RHOBTB1: variants seen among roughly 807,000 people sequenced by gnomAD.
RHOBTB1 encodes the protein Rho related BTB domain containing 1.
RHOBTB1 carries 40 observed loss-of-function variants against 71.6 expected under a neutral mutation model. That is an observed-to-expected ratio of 0.56 (90% CI 0.43 to 0.73). The LOEUF (loss-of-function observed/expected upper bound fraction) is 0.73. Among genes scored for constraint, RHOBTB1 ranks in the 30% least tolerant of loss-of-function variants. The pLI is 0.00. For synonymous variants in RHOBTB1, 319 were observed against 334.9 expected (o/e 0.95, Z 0.52); for missense variants, 797 against 894.0 (o/e 0.89, Z 1.38).
chr10:60,925,098 C>T (rs1051777829), intron 2 of RHOBTB1, among the ~76,000 whole-genome samples: 2 of 152,176 alleles, frequency 1.3e-5, no homozygotes, highest in African/African-American at 2.4e-5. Flanking sequence ...ACCCCATGCT[C>T]TCTCTCCCTA....
chr10:60,934,015 A>T (rs941674113), intron 2 of RHOBTB1, among the ~76,000 whole-genome samples: 1 of 152,148 alleles, frequency 6.6e-6, no homozygotes, highest in Non-Finnish European at 1.5e-5. Flanking sequence ...ATTCATTTTA[A>T]TTTTTTTCAT....
chr10:60,950,218 G>T (rs920555065), intron 2 of RHOBTB1, among the ~76,000 whole-genome samples: 1 of 152,052 alleles, frequency 6.6e-6, no homozygotes, highest in Admixed American at 6.6e-5. Context: ...AAAAGAAAAA[G>T]ACAACAATTT....
intron 2 of RHOBTB1, among the ~76,000 whole-genome samples, chr10:60,959,067 C>T (rs564085312): frequency 1.3e-5 from 2 of 152,126 alleles, no homozygotes; most frequent in East Asian, 1.9e-4. Context: ...GTTGCCTCAA[C>T]GTTCAAAAAT....
At chr10:60,944,683 G>GTC (rs1249830219), upstream of RHOBTB1, among the ~76,000 whole-genome samples, 2 of 152,294 alleles carry the variant, frequency 1.3e-5, no homozygotes, top group South Asian at 4.1e-4. Flanking sequence ...CCCCCTAGGA[G>GTC]CTGACCGGCC....
intron 2 of RHOBTB1, among the ~76,000 whole-genome samples, chr10:60,973,581 A>G (rs373429694): frequency 6.6e-6 from 1 of 152,202 alleles, no homozygotes; most frequent in African/African-American, 2.4e-5. Context: ...TTCAAAAGAA[A>G]CAACACCAAC....
chr10:60,913,724 C>G (rs1373642629), intron 2 of RHOBTB1, among the ~76,000 whole-genome samples: 1 of 152,112 alleles, frequency 6.6e-6, no homozygotes, highest in Non-Finnish European at 1.5e-5. Context: ...AATTACCCAG[C>G]CCCAAATGTT....
At chr10:60,949,488 T>G (rs1036645197) in intron 2 of RHOBTB1, among the ~76,000 whole-genome samples, 1 of 152,132 alleles carries the variant, frequency 6.6e-6, no homozygotes, top group African/African-American at 2.4e-5. Flanking sequence ...GACCAACTCT[T>G]CAGATCTCTA....
At chr10:60,911,239 T>C in intron 3 of RHOBTB1, 112 bp downstream of exon 3, 1 of 1,085,154 alleles carries the variant, frequency 9.2e-7, no homozygotes, top group Non-Finnish European at 1.3e-6. Context: ...ACTAAAAAGG[T>C]TAGTTTTGTT....
At chr10:60,967,330 T>C (rs541585752) in intron 2 of RHOBTB1, among the ~76,000 whole-genome samples, 2 of 150,462 alleles carry the variant, frequency 1.3e-5, no homozygotes, top group African/African-American at 4.9e-5. Flanking sequence ...TCTCACTCTG[T>C]TGCCCAGGCT....
rs934020509 is a variant in RHOBTB1, at chr10:60,967,082, C to T, written c.-62+18763G>A. On this transcript the variant is annotated intron_variant, in intron 2 of 11. Transcript: ENST00000357917. ...AGGGAGCGATGCAGTATGGTTGTTT[C>T]GGACACCGCAGTCAGGGTTTGAGGA... Among the ~76,000 whole-genome samples, 9 of 152,058 alleles carry T rather than the reference C, an allele frequency of 5.9e-5. No homozygotes were observed. The East Asian group carries it at 1.2e-3, about 20-fold the overall frequency.
chr10:60,997,187 C>T (rs1224592538), intron 1 of RHOBTB1, among the ~76,000 whole-genome samples: 1 of 152,088 alleles, frequency 6.6e-6, no homozygotes. Context: ...TTCAAACACA[C>T]TGAGTTCCTC....
chr10:60,915,643 G>T (rs2133548772), intron 2 of RHOBTB1, among the ~76,000 whole-genome samples: 1 of 152,196 alleles, frequency 6.6e-6, no homozygotes, highest in East Asian at 1.9e-4. Flanking sequence ...TGCAGGTGGG[G>T]AAGTGAAGGG....
At chr10:60,876,775 T>C (rs1235502773) in intron 8 of RHOBTB1, among the ~76,000 whole-genome samples, 1 of 152,208 alleles carries the variant, frequency 6.6e-6, no homozygotes, top group Non-Finnish European at 1.5e-5. Flanking sequence ...GGGGAGGAAG[T>C]AGGACAAAGA....
At chr10:60,999,205 G>T (rs1189023603) in intron 1 of RHOBTB1, among the ~76,000 whole-genome samples, 2 of 152,164 alleles carry the variant, frequency 1.3e-5, no homozygotes, top group Admixed American at 6.5e-5. Context: ...TAGAATACTG[G>T]AATGGAGCCT....
chr10:60,936,321 C>T (rs1431313464), intron 2 of RHOBTB1, among the ~76,000 whole-genome samples: 1 of 152,226 alleles, frequency 6.6e-6, no homozygotes, highest in Non-Finnish European at 1.5e-5. Context: ...TGAGACCCAA[C>T]TGGCTATATT....
At chr10:60,949,062 A>G (rs1452350944), upstream of RHOBTB1, among the ~76,000 whole-genome samples, 3 of 152,186 alleles carry the variant, frequency 2.0e-5, no homozygotes, top group African/African-American at 7.2e-5. Flanking sequence ...AACAGGAAAG[A>G]CTGACTGTTC....
intron 4 of RHOBTB1, among the ~76,000 whole-genome samples, chr10:60,901,224 C>A (rs2082399293): frequency 6.6e-6 from 1 of 152,180 alleles, no homozygotes; most frequent in Non-Finnish European, 1.5e-5. Flanking sequence ...CTGACTTATT[C>A]TCTCTAGGCT....
chr10:60,965,854 T>G (rs2085939010), intron 2 of RHOBTB1, among the ~76,000 whole-genome samples: 1 of 152,140 alleles, frequency 6.6e-6, no homozygotes, highest in Non-Finnish European at 1.5e-5. Flanking sequence ...GACATTGTCT[T>G]GCCTTGTTGG....
chr10:60,974,351 C>T (rs1249456467), intron 2 of RHOBTB1, among the ~76,000 whole-genome samples: 1 of 151,956 alleles, frequency 6.6e-6, no homozygotes, highest in East Asian at 1.9e-4. Flanking sequence ...ACATGAAAGA[C>T]AACTATCAAA....
Sources: allele counts gnomAD v4.1 joint callset (sites outside exome capture counted in the v4.1 genomes callset), GRCh38; gene constraint gnomAD v4.1.1; transcripts MANE v1.5; gene names NCBI Gene and HGNC (gene_info 2026-07-23, HGNC 2026-07-21).